Variants in STXBP5L observed in about 807,000 individuals in gnomAD.
STXBP5L encodes the protein syntaxin binding protein 5L, also known as syntaxin-binding protein 5-like.
A neutral mutation model predicts 144.5 loss-of-function variants in STXBP5L; 65 were observed. The ratio of observed to expected loss-of-function variants is 0.45; its 90% CI spans 0.37 to 0.55. STXBP5L has a LOEUF of 0.55. Among genes scored for constraint, STXBP5L ranks in the 20% least tolerant of loss-of-function variants. STXBP5L has a pLI of 0.00. For synonymous variants in STXBP5L, 505 were observed against 469.6 expected, an observed-to-expected ratio of 1.08 and a Z score of -0.97; for missense variants, 1,298 against 1,405.5, an observed-to-expected ratio of 0.92 and a Z score of 1.22.
intron 22 of STXBP5L, among the ~76,000 whole-genome samples, chr3:121,388,820 G>T (rs919215151): frequency 6.6e-6 from 1 of 152,126 alleles, no homozygotes; most frequent in African/African-American, 2.4e-5. Context: ...TTTTCACATC[G>T]ATGTTCATCA....
At chr3:120,936,146 C>A (rs562400708) in intron 2 of STXBP5L, among the ~76,000 whole-genome samples, 1 of 152,258 alleles carries the variant, frequency 6.6e-6, no homozygotes, top group East Asian at 1.9e-4. Flanking sequence ...TAGGTGAGCC[C>A]ATCAAGGACA....
chr3:121,068,046 T>G (rs894810892), intron 5 of STXBP5L, among the ~76,000 whole-genome samples: 1 of 152,256 alleles, frequency 6.6e-6, no homozygotes, highest in Non-Finnish European at 1.5e-5. Flanking sequence ...AGTCTCACTC[T>G]GTCACCAGGC....
Position 121,257,322 on chromosome 3 carries a change from T to C in STXBP5L, c.1821T>C (p.Ile607=), listed in dbSNP as rs189716908. 1.6e-5 allele frequency: 25 copies of C among 1,607,750 alleles called. No individual in the cohort carries two copies. In the East Asian group the frequency reaches 4.2e-4, roughly 27 times the overall value. The change falls in exon 17 of 27, where the codon ATT becomes ATC. Residue 607 remains isoleucine, a synonymous_variant. Transcript: ENST00000471454. The part of the protein sequence containing the change: ...VASEGVTKDS[I]PCLNVKTRPV... ...GTGAAGGAGTAACAAAGGACAGTAT[T>C]CCATGCCTCAAGTAAGAGTTTCTAC...
At position 121,277,238 on chromosome 3, in the gene STXBP5L, C is replaced by A. The variant is rs564866391; in HGVS notation, c.1959-2567C>A. 7.1e-4 allele frequency among the ~76,000 whole-genome samples: 108 copies of A among 152,090 alleles called. 2 individuals are homozygous for A. The highest frequency in any genetic ancestry group is 1.3e-3 in the Non-Finnish European group (87 of 67,906). On this transcript the variant is annotated intron_variant, in intron 18 of 26. Transcript: ENST00000471454. ...TCGTCACATAATGGAAGGGGTGAGG[C>A]AGCTCTCTAGGGCCTCTTTTATAAG...
At chr3:121,356,341 C>A (rs1008187188) in intron 20 of STXBP5L, among the ~76,000 whole-genome samples, 1 of 152,240 alleles carries the variant, frequency 6.6e-6, no homozygotes, top group African/African-American at 2.4e-5. Flanking sequence ...CTGTGGTGGG[C>A]TCCCTCATTT....
At chr3:121,089,728 G>C (rs1048101950) in intron 5 of STXBP5L, among the ~76,000 whole-genome samples, 1 of 151,424 alleles carries the variant, frequency 6.6e-6, no homozygotes, top group African/African-American at 2.4e-5. Flanking sequence ...AGATCTATTG[G>C]TTTTGTCCCA....
At chr3:121,135,847 G>A (rs376890734) in intron 7 of STXBP5L, among the ~76,000 whole-genome samples, 3 of 152,164 alleles carry the variant, frequency 2.0e-5, no homozygotes, top group Admixed American at 2.0e-4. Flanking sequence ...CCAATGGGCT[G>A]AAGTTCCAGT....
intron 5 of STXBP5L, among the ~76,000 whole-genome samples, chr3:121,111,793 A>G (rs1182294816): frequency 6.6e-6 from 1 of 152,196 alleles, no homozygotes; most frequent in African/African-American, 2.4e-5. Context: ...ACTCATCTGC[A>G]CTTCCCAGGT....
chr3:120,933,152 T>A (rs931611227), intron 2 of STXBP5L, among the ~76,000 whole-genome samples: 15 of 151,864 alleles, frequency 9.9e-5, no homozygotes, highest in Non-Finnish European at 2.2e-4. Context: ...CATATATAAC[T>A]AACCTGCACA....
chr3:120,936,401 G>GA (rs35977814), intron 2 of STXBP5L, among the ~76,000 whole-genome samples: 121,520 of 151,938 alleles, frequency 0.8, 49,069 homozygotes, highest in Admixed American at 0.85. Context: ...TTTTAAAATG[G>GA]AAAAAAGGAT....
chr3:121,401,930 CAAAG>C (rs1194807391), intron 22 of STXBP5L, among the ~76,000 whole-genome samples: 3 of 147,992 alleles, frequency 2.0e-5, no homozygotes, highest in Non-Finnish European at 3.0e-5. Flanking sequence ...TTTACAGTGA[CAAAG>C]AGAATGGTGG....
chr3:120,918,711 CT>C (rs1236923124), intron 2 of STXBP5L, among the ~76,000 whole-genome samples: 1 of 152,046 alleles, frequency 6.6e-6, no homozygotes, highest in African/African-American at 2.4e-5. Context: ...CCCATATTGT[CT>C]TTTTGTAGTT....
At chr3:121,227,863 A>T (rs957858786) in intron 11 of STXBP5L, among the ~76,000 whole-genome samples, 1 of 152,190 alleles carries the variant, frequency 6.6e-6, no homozygotes, top group Non-Finnish European at 1.5e-5. Flanking sequence ...GGGAAGTTAA[A>T]CACCATTCAT....
chr3:121,071,848 G>T (rs1163353864), intron 5 of STXBP5L, among the ~76,000 whole-genome samples: 1 of 152,170 alleles, frequency 6.6e-6, no homozygotes, highest in Non-Finnish European at 1.5e-5. Context: ...CATCAGGGGT[G>T]CTTGGCCAAA....
chr3:121,315,875 A>C (rs529253210), intron 19 of STXBP5L, among the ~76,000 whole-genome samples: 176 of 151,814 alleles, frequency 1.2e-3, no homozygotes, highest in Non-Finnish European at 2.0e-3. Flanking sequence ...GGTGGCACAC[A>C]CCTGTAATCC....
intron 3 of STXBP5L, among the ~76,000 whole-genome samples, chr3:120,972,890 T>G (rs1177276889): frequency 6.6e-6 from 1 of 152,188 alleles, no homozygotes; most frequent in African/African-American, 2.4e-5. Context: ...TTGCATATGT[T>G]GAATCGTCCT....
At position 121,041,834 on chromosome 3, in the gene STXBP5L, A is replaced by G. The variant is rs1576751310; in HGVS notation, c.369+53A>G. ...TCACACACTCCCCCACTACACAGTG[A>G]ATCAGTTAATGTAATCTTTTAAATA... On this transcript the variant is annotated intron_variant, in intron 4 of 26. Coordinates refer to ENST00000471454, the MANE Select transcript of STXBP5L (RefSeq NM_001308330.2). The G allele has an allele frequency of 3.5e-6, 4 of 1,158,974 alleles. No individual in the cohort carries two copies. The Admixed American group carries it at 5.2e-5, about 15-fold the overall frequency. 71.8% of individuals were successfully genotyped at this position (1,158,974 alleles called of 1,614,324 possible).
At chr3:121,374,337 T>C (rs1035432837) in intron 20 of STXBP5L, among the ~76,000 whole-genome samples, 2 of 152,176 alleles carry the variant, frequency 1.3e-5, no homozygotes, top group East Asian at 3.9e-4. Context: ...CTTTATAAAA[T>C]TGGGAAAAGT....
At chr3:121,216,115 C>T (rs917849606) in intron 10 of STXBP5L, among the ~76,000 whole-genome samples, 1 of 152,096 alleles carries the variant, frequency 6.6e-6, no homozygotes, top group Admixed American at 6.5e-5. Context: ...AGGTTCTTAG[C>T]TTCCTTGCAT....
Sources: gnomAD v4.1 joint callset for allele counts (sites outside exome capture counted in the v4.1 genomes callset) on GRCh38, gnomAD v4.1.1 for gene constraint, MANE v1.5 for transcripts, NCBI Gene and HGNC (gene_info 2026-07-23, HGNC 2026-07-21) for gene names.